Variants in C12orf56 observed in about 807,000 individuals in gnomAD.
C12orf56 encodes chromosome 12 open reading frame 56.
In C12orf56, 71 loss-of-function variants were observed where a neutral mutation model predicts 69.9. That is an observed-to-expected ratio of 1.02 (90% CI 0.84 to 1.24). The LOEUF (loss-of-function observed/expected upper bound fraction) is 1.24. C12orf56 is among the 50% of genes most tolerant of loss of function. C12orf56 has a pLI of 0.00. For synonymous variants in C12orf56, 276 were observed against 274.1 expected (o/e 1.01, Z -0.07); for missense variants, 732 against 738.5 (o/e 0.99, Z 0.10).
intron 6 of C12orf56, among the ~76,000 whole-genome samples, chr12:64,298,968 T>C (rs2038406905): frequency 6.6e-6 from 1 of 152,226 alleles, no homozygotes; most frequent in African/African-American, 2.4e-5. Context: ...TAAATTACTT[T>C]GGGCAGTTAT....
chr12:64,390,619 C>A lies in C12orf56; in HGVS notation c.-54G>T. On this transcript the variant is annotated 5_prime_UTR_variant, in exon 1 of 13. It adds an upstream start codon to the 5' untranslated region. Transcript: ENST00000543942. ...TGGGACTCGAGGCCCTCAGCTCGCCCTCTCCCCGCCCCCGCGCTGGAACCC... is the reference window on the plus strand; with the variant it reads ...TGGGACTCGAGGCCCTCAGCTCGCCATCTCCCCGCCCCCGCGCTGGAACCC... The A allele has an allele frequency of 7.1e-7, 1 of 1,401,428 alleles. No homozygotes were observed. Among genetic ancestry groups the A allele is most frequent in the African/African-American group, 1.5e-5 (1 of 66,056 alleles). 86.8% of individuals were successfully genotyped at this position (1,401,428 alleles called of 1,614,324 possible). A position where few individuals can be genotyped will look rare whatever the true frequency, so the allele number is the denominator to read the frequency against.
chr12:64,356,851 T>G (rs1032291635), intron 1 of C12orf56, among the ~76,000 whole-genome samples: 25 of 152,332 alleles, frequency 1.6e-4, no homozygotes, highest in African/African-American at 6.0e-4. Context: ...GTTCACTATA[T>G]CTAACATTCT....
chr12:64,286,657 A>C (rs1277455646), intron 6 of C12orf56, among the ~76,000 whole-genome samples: 2 of 152,238 alleles, frequency 1.3e-5, no homozygotes, highest in Non-Finnish European at 2.9e-5. Flanking sequence ...GAAATCAAGC[A>C]TGAAAATAAG....
At chr12:64,315,510 A>C (rs2038680998) in intron 4 of C12orf56, among the ~76,000 whole-genome samples, 1 of 152,158 alleles carries the variant, frequency 6.6e-6, no homozygotes, top group African/African-American at 2.4e-5. Flanking sequence ...TTTTGGTGAA[A>C]GTTACATATA....
intron 2 of C12orf56, among the ~76,000 whole-genome samples, chr12:64,337,868 A>AAAAC (rs1565762999): frequency 1.3e-5 from 2 of 149,414 alleles, no homozygotes; most frequent in Non-Finnish European, 3.0e-5. Flanking sequence ...AAAAAAAAAA[A>AAAAC]AAAAAACACC....
chr12:64,386,016 G>A (rs775467817), intron 1 of C12orf56, among the ~76,000 whole-genome samples: 2 of 151,902 alleles, frequency 1.3e-5, no homozygotes, highest in East Asian at 1.9e-4. Context: ...TTAAATTAAT[G>A]TGTTGGCAGG....
intron 1 of C12orf56, among the ~76,000 whole-genome samples, chr12:64,355,444 G>T (rs1280221582): frequency 6.6e-6 from 1 of 151,918 alleles, no homozygotes; most frequent in Non-Finnish European, 1.5e-5. Flanking sequence ...TTATTTTTAT[G>T]ATTTGAACAG....
At chr12:64,309,891 TATTACATCAAATAATGA>T (rs997813661) in intron 5 of C12orf56, among the ~76,000 whole-genome samples, 2 of 152,222 alleles carry the variant, frequency 1.3e-5, no homozygotes, top group African/African-American at 4.8e-5. Flanking sequence ...GTGTATTTTA[TATTACATCAAATAATGA>T]GGCACACAAA....
chr12:64,352,105 T>G (rs11175352), intron 2 of C12orf56, among the ~76,000 whole-genome samples: 2,019 of 49,976 alleles, frequency 0.04, 46 homozygotes, highest in African/African-American at 0.1. Context: ...TTTTGTTTTT[T>G]TTTTTTTTTT....
intron 6 of C12orf56, among the ~76,000 whole-genome samples, chr12:64,301,446 G>A (rs1395151828): frequency 4.6e-5 from 7 of 152,092 alleles, no homozygotes; most frequent in Non-Finnish European, 7.4e-5. Flanking sequence ...CCAAACCTCC[G>A]TGATTTAGCA....
intron 3 of C12orf56, among the ~76,000 whole-genome samples, chr12:64,325,322 C>T (rs905944231): frequency 1.3e-5 from 2 of 150,892 alleles, no homozygotes; most frequent in African/African-American, 4.9e-5. Context: ...CATAATCACA[C>T]CACTGTACTT....
chr12:64,360,783 T>A (rs11175362), intron 1 of C12orf56, among the ~76,000 whole-genome samples: 42,911 of 152,142 alleles, frequency 0.28, 6,318 homozygotes, highest in Middle Eastern at 0.47. Flanking sequence ...CTAAGTAATA[T>A]ATACCTGAAA....
At chr12:64,333,456 C>G (rs1031990855) in intron 2 of C12orf56, among the ~76,000 whole-genome samples, 2 of 151,212 alleles carry the variant, frequency 1.3e-5, no homozygotes, top group Admixed American at 6.6e-5. Flanking sequence ...CTTTAGTGTT[C>G]ACGTCCCTGC....
chr12:64,328,405 G>C (rs2038871772), intron 3 of C12orf56, among the ~76,000 whole-genome samples: 2 of 151,882 alleles, frequency 1.3e-5, no homozygotes, highest in South Asian at 4.2e-4. Flanking sequence ...CTTTGGCCAG[G>C]CACAGTGGCT....
chr12:64,353,738 A>G (rs2039265911), intron 1 of C12orf56, among the ~76,000 whole-genome samples: 2 of 151,630 alleles, frequency 1.3e-5, no homozygotes, highest in Admixed American at 1.3e-4. Context: ...CTGGAGTGCA[A>G]TGGCACAATC....
At chr12:64,287,282 G>A (rs1309213601) in intron 6 of C12orf56, among the ~76,000 whole-genome samples, 2 of 146,702 alleles carry the variant, frequency 1.4e-5, no homozygotes, top group Non-Finnish European at 3.0e-5. Flanking sequence ...AGAAGAAGAA[G>A]AAGAAGAAGA....
chr12:64,320,679 TG>T, intron 3 of C12orf56, among the ~76,000 whole-genome samples: 1 of 152,198 alleles, frequency 6.6e-6, no homozygotes, highest in Non-Finnish European at 1.5e-5. Context: ...ATTCCAATCC[TG>T]GCTCTGCCAC....
chr12:64,305,101 C>T (rs764933422), intron 5 of C12orf56, among the ~76,000 whole-genome samples: 2 of 151,882 alleles, frequency 1.3e-5, no homozygotes, highest in Non-Finnish European at 2.9e-5. Context: ...ATCAATGAGT[C>T]GCTCTTATTA....
At chr12:64,351,937 T>G in intron 2 of C12orf56, among the ~76,000 whole-genome samples, 1 of 151,964 alleles carries the variant, frequency 6.6e-6, no homozygotes, top group Middle Eastern at 3.4e-3. Flanking sequence ...GGAAATTGTA[T>G]CTCTGTACTA....
Sources: gnomAD v4.1 joint callset for allele counts (sites outside exome capture counted in the v4.1 genomes callset) on GRCh38, gnomAD v4.1.1 for gene constraint, MANE v1.5 for transcripts, NCBI Gene and HGNC (gene_info 2026-07-23, HGNC 2026-07-21) for gene names.